EXOSC5: variants seen among roughly 807,000 people sequenced by gnomAD.
EXOSC5 encodes the protein exosome complex component RRP46.
EXOSC5 carries 15 observed loss-of-function variants against 23.7 expected under a neutral mutation model. That is an observed-to-expected ratio of 0.63 (90% CI 0.42 to 0.97). The LOEUF (loss-of-function observed/expected upper bound fraction) is 0.97. Ranked by LOEUF, EXOSC5 falls within the 50% of genes least tolerant of loss-of-function variation. EXOSC5 has a pLI of 0.00. For synonymous variants in EXOSC5, 143 were observed against 140.9 expected (o/e 1.02, Z -0.11); for missense variants, 305 against 316.3 (o/e 0.96, Z 0.27).
At chr19:41,387,473 A>C in intron 5 of EXOSC5, 41 bp downstream of exon 5, 1 of 1,491,282 alleles carries the variant, frequency 6.7e-7, no homozygotes, top group Non-Finnish European at 9.1e-7. Flanking sequence ...TGTCAGTGGG[A>C]AGGAAGGTTC....
intron 1 of EXOSC5, among the ~76,000 whole-genome samples, chr19:41,393,580 G>C (rs2039040570): frequency 6.8e-6 from 1 of 146,962 alleles, no homozygotes; most frequent in Non-Finnish European, 1.5e-5. Context: ...TTTTTAATGA[G>C]ATGGAGTCTT....
Position 41,397,226 on chromosome 19 carries a change from G to C in EXOSC5, c.103C>G (p.Gln35Glu), listed in dbSNP as rs368019719. ...CCATCTGGCCGCGACAGCAGGTTCTGTTCGCAGGCAAAGTGCCGGAGGCTG... is the reference window on the plus strand; with the variant it reads ...CCATCTGGCCGCGACAGCAGGTTCTCTTCGCAGGCAAAGTGCCGGAGGCTG... Reference protein sequence around the residue: ...GCSLRHFACEQNLLSRPDGSA... With the variant: ...GCSLRHFACEENLLSRPDGSA... Residue 35 changes from glutamine (Q) to glutamate (E), a missense_variant, in exon 1 of 6, where the codon CAG becomes GAG. Transcript: ENST00000221233. 3.0e-5 allele frequency: 49 copies of C among 1,614,104 alleles called. No homozygotes were observed. The highest frequency in any genetic ancestry group is 4.0e-5 in the Non-Finnish European group (47 of 1,180,018).
Position 41,391,825 on chromosome 19 carries a change from C to A in EXOSC5, c.384+16G>T. 6.7e-7 allele frequency: 1 copy of A among 1,493,902 alleles called. No individual in the cohort carries two copies. The highest frequency in any genetic ancestry group is 8.9e-7 in the Non-Finnish European group (1 of 1,127,900). The allele number at this position is 1,493,902 out of a possible 1,614,324, so 92.5% of individuals were successfully genotyped here. ...CAGGAGACTTCCTGGAGGAGGAGGC[C>A]TGGCAGAAAGGATACAGAGCCGGCA... On this transcript the variant is annotated intron_variant, in intron 3 of 5. Transcript: ENST00000221233.
In EXOSC5 at chr19:41,392,904, T is replaced by C. The variant is rs143874550; in HGVS notation, c.225A>G (p.Thr75=). The change falls in exon 2 of 6, where the codon ACA becomes ACG. Residue 75 remains threonine, a synonymous_variant. Transcript: ENST00000221233. ...TCTTCGGCCTCAGGATCACTTCGAG[T>C]GTGGCCTTGTTGAAAATCTCTTTGC... ...KVSKEIFNKA[T]LEVILRPKIG... is the part of the protein sequence containing the mutation. 1.9e-4 allele frequency: 303 copies of C among 1,613,846 alleles called. 1 individual carries two copies. In the African/African-American group the frequency reaches 3.5e-3, roughly 19 times the overall value.
At chr19:41,393,679 CCTA>C (rs2039041533) in intron 1 of EXOSC5, among the ~76,000 whole-genome samples, 1 of 152,038 alleles carries the variant, frequency 6.6e-6, no homozygotes, top group African/African-American at 2.4e-5. Flanking sequence ...CCTGCCTCAG[CCTA>C]CTGAGTAGCT....
intron 3 of EXOSC5, chr19:41,391,483 A>T (rs1475289814): frequency 4.6e-6 from 1 of 217,776 alleles, no homozygotes; most frequent in Non-Finnish European, 9.0e-6. Flanking sequence ...ACCTTGGGCA[A>T]GCCCCTTCCC....
chr19:41,389,075 A>G lies in EXOSC5; in HGVS notation c.525+690T>C, dbSNP rs560201066. ...ATTCTCCTGCCTCAGCCTCCTGAGT[A>G]GCTGAGATTACAGATGTGTGCCACC... On this transcript the variant is annotated intron_variant, in intron 4 of 5. Coordinates refer to ENST00000221233, the MANE Select transcript of EXOSC5 (RefSeq NM_020158.4). 1.1e-4 allele frequency among the ~76,000 whole-genome samples: 16 copies of G among 152,176 alleles called. 1 individual carries two copies. The East Asian group carries it at 2.9e-3, about 28-fold the overall frequency.
At chr19:41,389,161 G>T (rs1281368668) in intron 4 of EXOSC5, among the ~76,000 whole-genome samples, 1 of 151,914 alleles carries the variant, frequency 6.6e-6, no homozygotes, top group Non-Finnish European at 1.5e-5. Flanking sequence ...GGCCAGGCTG[G>T]TCTTCAACTC....
intron 1 of EXOSC5, among the ~76,000 whole-genome samples, chr19:41,396,232 C>T (rs1422581593): frequency 6.6e-6 from 1 of 150,462 alleles, no homozygotes; most frequent in Non-Finnish European, 1.5e-5. Flanking sequence ...TTTTTTGAGA[C>T]AGAGTCTTGC....
Position 41,386,648 on chromosome 19 carries a change from A to G in EXOSC5, c.693T>C (p.Arg231=). ...FRFYRESLQR[R]YSKS ...CCAGCTTGCCTCAGCTCTTGGAGTA[A>G]CGCCTCTGCAGCGATTCCCGGTAGA... Residue 231 remains arginine, a synonymous_variant, in exon 6 of 6, where the codon CGT becomes CGC. Transcript: ENST00000221233. 1 of 1,593,014 alleles carries G rather than the reference A, an allele frequency of 6.3e-7. No individual in the cohort carries two copies. The highest frequency in any genetic ancestry group is 8.5e-7 in the Non-Finnish European group (1 of 1,169,828).
Position 41,389,835 on chromosome 19 carries a change from A to C in EXOSC5, c.455T>G (p.Phe152Cys), listed in dbSNP as rs760384922. 1 of 1,614,146 alleles carries C rather than the reference A, an allele frequency of 6.2e-7. No individual in the cohort carries two copies. Among genetic ancestry groups the C allele is most frequent in the East Asian group, 2.2e-5 (1 of 44,872 alleles). ...VDAGVPMRAL[F>C]CGVACALDSD... is the part of the protein sequence containing the mutation. ...GTCCAGGGCGCAGGCGACCCCACAG[A>C]AGAGAGCCCGCATGGGCACACCTGC... is the stretch of plus-strand genomic sequence containing the variant. Residue 152 changes from phenylalanine (F) to cysteine (C), a missense_variant, in exon 4 of 6, where the codon TTC becomes TGC. Phe to Cys is a radical substitution (Grantham distance 205). Coordinates refer to ENST00000221233, the MANE Select transcript of EXOSC5 (RefSeq NM_020158.4).
chr19:41,389,823 G>A lies in EXOSC5; in HGVS notation c.467C>T (p.Ala156Val), dbSNP rs2039010315. The A allele has an allele frequency of 1.2e-6, 2 of 1,614,028 alleles. No individual in the cohort carries two copies. The highest frequency in any genetic ancestry group is 8.5e-7 in the Non-Finnish European group (1 of 1,180,024). The change falls in exon 4 of 6, where the codon GCC (alanine) becomes GTC (valine). Residue 156 changes from alanine to valine, a missense_variant. Coordinates refer to ENST00000221233, the MANE Select transcript of EXOSC5 (RefSeq NM_020158.4). The stretch of plus-strand genomic sequence containing the variant: ...GGTCCCATCAGAGTCCAGGGCGCAG[G>A]CGACCCCACAGAAGAGAGCCCGCAT... The part of the protein sequence containing the change: ...VPMRALFCGV[A>V]CALDSDGTLV...
At chr19:41,395,156 T>C (rs770989010) in intron 1 of EXOSC5, among the ~76,000 whole-genome samples, 1 of 152,106 alleles carries the variant, frequency 6.6e-6, no homozygotes, top group African/African-American at 2.4e-5. Context: ...GAAGAAACTT[T>C]AGGTATCTCA....
chr19:41,392,545 C>T (rs1018955057), intron 2 of EXOSC5, among the ~76,000 whole-genome samples: 7 of 151,620 alleles, frequency 4.6e-5, no homozygotes, highest in Non-Finnish European at 7.4e-5. Context: ...GATCGTGCCA[C>T]TGCACTCCAG....
intron 3 of EXOSC5, 86 bp from the exon 4 acceptor site, chr19:41,389,991 G>A (rs2039012283): frequency 2.8e-6 from 4 of 1,450,154 alleles, no homozygotes; most frequent in Non-Finnish European, 3.6e-6. Context: ...GGAGTGCAAT[G>A]GTGTGATCTC....
chr19:41,392,793 G>A, intron 2 of EXOSC5, 74 bp downstream of exon 2: 1 of 1,374,566 alleles, frequency 7.3e-7, no homozygotes, highest in Non-Finnish European at 1.0e-6. Flanking sequence ...ACTCGGGGCA[G>A]CTGGTAGGGA....
rs768732363 is a variant in EXOSC5, at chr19:41,389,804, A to G, written c.486T>C (p.Asp162=). 5 of 1,614,148 alleles carry G rather than the reference A, an allele frequency of 3.1e-6. No individual in the cohort carries two copies. The highest frequency in any genetic ancestry group is 3.4e-6 in the Non-Finnish European group (4 of 1,180,000). Residue 162 remains aspartate (D), a synonymous_variant, in exon 4 of 6, where the codon GAT becomes GAC. Coordinates refer to ENST00000221233, the MANE Select transcript of EXOSC5 (RefSeq NM_020158.4). ...ATGTAGGATCCAGCACGAGGGTCCC[A>G]TCAGAGTCCAGGGCGCAGGCGACCC... ...FCGVACALDS[D]GTLVLDPTSK... is the part of the protein sequence containing the mutation.
At position 41,386,439 on chromosome 19, in the gene EXOSC5, G is replaced by A. The variant is rs1049209502; in HGVS notation, c.*194C>T. 11 of 563,044 alleles carry A rather than the reference G, an allele frequency of 2.0e-5. No individual in the cohort carries two copies. The highest frequency in any genetic ancestry group is 2.9e-5 in the Non-Finnish European group (9 of 315,192). The allele number at this position is 563,044 out of a possible 1,614,324, so 34.9% of individuals were successfully genotyped here. On this transcript the variant is annotated 3_prime_UTR_variant, in exon 6 of 6. Coordinates refer to ENST00000221233, the MANE Select transcript of EXOSC5 (RefSeq NM_020158.4). Reference sequence around the variant, plus strand: ...GTGAGCTCCTTTGAATGTTATCCTTGCTGGGGGGATCTGTGCCCCCAGGCC... The same window carrying A: ...GTGAGCTCCTTTGAATGTTATCCTTACTGGGGGGATCTGTGCCCCCAGGCC...
intron 1 of EXOSC5, among the ~76,000 whole-genome samples, chr19:41,394,950 C>T (rs1370620453): frequency 6.6e-6 from 1 of 150,986 alleles, no homozygotes; most frequent in African/African-American, 2.4e-5. Context: ...AGAAGAATTG[C>T]TTGAACCCGG....
Sources: allele counts gnomAD v4.1 joint callset (sites outside exome capture counted in the v4.1 genomes callset), GRCh38; gene constraint gnomAD v4.1.1; transcripts MANE v1.5; gene names NCBI Gene and HGNC (gene_info 2026-07-23, HGNC 2026-07-21).